The following XPR1 variants were observed in gnomAD, a reference collection of about 807,000 sequenced individuals.
XPR1 encodes solute carrier family 53 member 1.
A neutral mutation model predicts 87.5 loss-of-function variants in XPR1; 28 were observed. That is an observed-to-expected ratio of 0.32 (90% CI 0.24 to 0.44). The LOEUF (loss-of-function observed/expected upper bound fraction) is 0.44, where lower values mean the gene tolerates loss of function less well. Ranked by LOEUF, XPR1 falls within the 20% of genes least tolerant of loss-of-function variation. The pLI is 1.00. For synonymous variants in XPR1, 300 were observed against 306.1 expected (o/e 0.98, Z 0.21); for missense variants, 559 against 862.3 (o/e 0.65, Z 4.41).
chr1:180,691,679 G>C (rs75806570), intron 2 of XPR1, among the ~76,000 whole-genome samples: 25,252 of 152,050 alleles, frequency 0.17, 2,489 homozygotes, highest in East Asian at 0.28. Flanking sequence ...TATTCTGCTT[G>C]GTTAGCAGAT....
At chr1:180,712,045 A>G (rs990242778) in intron 2 of XPR1, among the ~76,000 whole-genome samples, 3 of 152,172 alleles carry the variant, frequency 2.0e-5, no homozygotes, top group Admixed American at 2.0e-4. Context: ...GTGGATGCCT[A>G]AAACTGTGGA....
intron 2 of XPR1, 121 bp downstream of exon 2, chr1:180,682,532 C>A: frequency 2.2e-6 from 1 of 446,054 alleles, no homozygotes; most frequent in East Asian, 4.6e-5. Context: ...CTTTTTTTCC[C>A]TTTTAATAAT....
chr1:180,798,286 T>C (rs775031950), intron 3 of XPR1, among the ~76,000 whole-genome samples: 5 of 152,012 alleles, frequency 3.3e-5, no homozygotes, highest in Non-Finnish European at 7.4e-5. Flanking sequence ...CAAATGAAAA[T>C]ATAATCACGG....
At chr1:180,792,043 A>G (rs1319256222) in intron 3 of XPR1, among the ~76,000 whole-genome samples, 1 of 152,196 alleles carries the variant, frequency 6.6e-6, no homozygotes, top group African/African-American at 2.4e-5. Flanking sequence ...GTGGTAGGTA[A>G]TACGAAGAAA....
intron 2 of XPR1, among the ~76,000 whole-genome samples, chr1:180,704,840 A>G (rs1374666582): frequency 9.2e-5 from 3 of 32,692 alleles, no homozygotes; most frequent in African/African-American, 2.0e-4. Context: ...TTTTTTTTTT[A>G]AGTAATAATC....
chr1:180,747,074 A>C (rs12088750), intron 2 of XPR1, among the ~76,000 whole-genome samples: 6,539 of 152,220 alleles, frequency 0.043, 501 homozygotes, highest in African/African-American at 0.15. Context: ...TTAATACACA[A>C]TTACTTAATA....
At chr1:180,689,926 C>T (rs1405924449) in intron 2 of XPR1, among the ~76,000 whole-genome samples, 1 of 152,096 alleles carries the variant, frequency 6.6e-6, no homozygotes, top group Non-Finnish European at 1.5e-5. Context: ...GAGACCAAGG[C>T]TGGCATATTA....
At chr1:180,762,368 G>T (rs930309654) in intron 2 of XPR1, among the ~76,000 whole-genome samples, 5 of 152,082 alleles carry the variant, frequency 3.3e-5, no homozygotes, top group African/African-American at 1.2e-4. Flanking sequence ...AACTGTTGAA[G>T]TTCTGTGGTG....
chr1:180,843,736 C>T (rs1651591478), intron 11 of XPR1, among the ~76,000 whole-genome samples: 1 of 150,330 alleles, frequency 6.7e-6, no homozygotes, highest in Non-Finnish European at 1.5e-5. Context: ...ACACCCAATA[C>T]CATTTTGGTA....
intron 1 of XPR1, among the ~76,000 whole-genome samples, chr1:180,644,788 T>C (rs1422771962): frequency 6.6e-6 from 1 of 152,070 alleles, no homozygotes; most frequent in African/African-American, 2.4e-5. Flanking sequence ...GTGTTACGTT[T>C]ATTGTGCACT....
Position 180,641,780 on chromosome 1 carries a change from C to G in XPR1, c.69+9510C>G, listed in dbSNP as rs1190660147. Among the ~76,000 whole-genome samples the G allele has an allele frequency of 2.6e-5, 4 of 152,030 alleles. No individual in the cohort carries two copies. In the East Asian group the frequency reaches 7.7e-4, roughly 29 times the overall value. Reference sequence around the variant, plus strand: ...ATGAATAAATTGAGAGCAGAGATGCCAAGATACCTGGTCAGAGTCTCATGA... The same window carrying G: ...ATGAATAAATTGAGAGCAGAGATGCGAAGATACCTGGTCAGAGTCTCATGA... On this transcript the variant is annotated intron_variant, in intron 1 of 14. Transcript: ENST00000367590.
chr1:180,715,657 G>A (rs78973998), intron 2 of XPR1, among the ~76,000 whole-genome samples: 32,407 of 151,830 alleles, frequency 0.21, 3,661 homozygotes, highest in Middle Eastern at 0.31. Context: ...TTACAGAGAA[G>A]TTGTTTTTTT....
chr1:180,671,874 C>T (rs1315910531), intron 1 of XPR1, among the ~76,000 whole-genome samples: 4 of 152,118 alleles, frequency 2.6e-5, no homozygotes, highest in African/African-American at 9.7e-5. Flanking sequence ...AGGTGTGAGC[C>T]ACCGCGTCTA....
At chr1:180,672,955 C>A (rs1049192370) in intron 1 of XPR1, among the ~76,000 whole-genome samples, 3 of 151,914 alleles carry the variant, frequency 2.0e-5, no homozygotes, top group African/African-American at 7.3e-5. Context: ...ATATGCTTTT[C>A]TTTATTTATT....
intron 1 of XPR1, among the ~76,000 whole-genome samples, chr1:180,659,370 T>C (rs1273961388): frequency 2.0e-5 from 2 of 99,482 alleles, no homozygotes; most frequent in East Asian, 3.2e-4. Context: ...CGTCCTTCCG[T>C]CCGTCCTTCC....
At chr1:180,744,683 C>T (rs1190427565) in intron 2 of XPR1, among the ~76,000 whole-genome samples, 1 of 72,770 alleles carries the variant, frequency 1.4e-5, no homozygotes, top group Non-Finnish European at 2.5e-5. Context: ...CAGAATCTCA[C>T]TCTGTTGCCC....
intron 2 of XPR1, among the ~76,000 whole-genome samples, chr1:180,691,215 C>T (rs373205663): frequency 1.3e-4 from 20 of 151,970 alleles, no homozygotes; most frequent in South Asian, 4.1e-4. Context: ...TGTCAAAACA[C>T]CAATTAAACC....
chr1:180,742,087 T>A (rs1241374642), intron 2 of XPR1, among the ~76,000 whole-genome samples: 1 of 152,102 alleles, frequency 6.6e-6, no homozygotes, highest in Non-Finnish European at 1.5e-5. Flanking sequence ...TCAATTATAT[T>A]ACTCTTTCTA....
intron 2 of XPR1, among the ~76,000 whole-genome samples, chr1:180,760,828 A>G (rs181064844): frequency 0.013 from 1,906 of 152,324 alleles, 29 homozygotes; most frequent in African/African-American, 0.043. Flanking sequence ...AGCCAAAAGA[A>G]GAAAACCGGA....
Sources: gnomAD v4.1 joint callset for allele counts (sites outside exome capture counted in the v4.1 genomes callset) on GRCh38, gnomAD v4.1.1 for gene constraint, MANE v1.5 for transcripts, NCBI Gene and HGNC (gene_info 2026-07-23, HGNC 2026-07-21) for gene names.